PDE1C: variants seen among roughly 807,000 people sequenced by gnomAD.
PDE1C encodes the protein dual specificity calcium/calmodulin-dependent 3',5'-cyclic nucleotide phosphodiesterase 1C.
In PDE1C, 62 loss-of-function variants were observed where a neutral mutation model predicts 93.1. The observed-to-expected ratio is 0.67, with a 90% confidence interval of 0.54 to 0.82. The LOEUF is 0.82. Ranked by LOEUF, PDE1C falls within the 40% of genes least tolerant of loss-of-function variation. The pLI is 0.00. For synonymous variants in PDE1C, 325 were observed against 310.1 expected (o/e 1.05, Z -0.50); for missense variants, 742 against 884.6 (o/e 0.84, Z 2.04).
chr7:32,281,615 A>G (rs1229116195), intron 1 of PDE1C, among the ~76,000 whole-genome samples: 1 of 152,176 alleles, frequency 6.6e-6, no homozygotes, highest in Non-Finnish European at 1.5e-5. Flanking sequence ...AAATACCCCA[A>G]CAGAAAAACT....
chr7:32,398,367 C>T (rs1209234198), intron 1 of PDE1C, among the ~76,000 whole-genome samples: 1 of 151,362 alleles, frequency 6.6e-6, no homozygotes, highest in African/African-American at 2.4e-5. Context: ...GGATGATTTC[C>T]AAGATCACTT....
chr7:31,681,480 T>C, the PDE1C span, among the ~76,000 whole-genome samples: 1 of 152,178 alleles, frequency 6.6e-6, no homozygotes, highest in Admixed American at 6.5e-5. Context: ...CCATCTCTCC[T>C]TTCTTCAGCC....
chr7:31,849,502 T>C (rs932526150), intron 8 of PDE1C, among the ~76,000 whole-genome samples: 4 of 152,210 alleles, frequency 2.6e-5, no homozygotes, highest in African/African-American at 9.6e-5. Context: ...TTCTTTTGTC[T>C]GCTTCCATTC....
In PDE1C at chr7:31,836,929, C is replaced by G. The variant is rs964138192; in HGVS notation, c.1203+251G>C. On this transcript the variant is annotated intron_variant, in intron 11 of 17. Transcript: ENST00000396191. ...CCTCAAATGACATTTTGACAAAAGACTGCTACAAGGAAATACTTTTTTTCC... is the reference window on the plus strand; with the variant it reads ...CCTCAAATGACATTTTGACAAAAGAGTGCTACAAGGAAATACTTTTTTTCC... 5.8e-5 allele frequency among the ~76,000 whole-genome samples: 8 copies of G among 138,250 alleles called. No individual in the cohort carries two copies. The East Asian group carries it at 1.8e-3, about 30-fold the overall frequency. The allele number at this position is 138,250 out of a possible 152,430, so 90.7% of individuals were successfully genotyped here. A position where few individuals can be genotyped will look rare whatever the true frequency, so the allele number is the denominator to read the frequency against.
At chr7:31,708,950 C>T in the PDE1C span, among the ~76,000 whole-genome samples, 28 of 152,218 alleles carry the variant, frequency 1.8e-4, no homozygotes, top group African/African-American at 4.8e-4. Context: ...AAACTGTGGC[C>T]GGGTGCTGGT....
At chr7:31,637,563 T>C in the PDE1C span, among the ~76,000 whole-genome samples, 27,099 of 152,180 alleles carry the variant, frequency 0.18, 2,602 homozygotes, top group Non-Finnish European at 0.2. Context: ...TCATATCCTT[T>C]ACCCACTTTT....
chr7:32,085,146 C>A (rs375446124), intron 3 of PDE1C, among the ~76,000 whole-genome samples: 2 of 151,148 alleles, frequency 1.3e-5, no homozygotes, highest in African/African-American at 4.9e-5. Context: ...ATCAAATAGA[C>A]GCAATAAAAA....
chr7:31,625,337 G>T, the PDE1C span, among the ~76,000 whole-genome samples: 1 of 151,902 alleles, frequency 6.6e-6, no homozygotes, highest in Non-Finnish European at 1.5e-5. Context: ...GTTTATTGCG[G>T]CACTATTCAC....
At chr7:32,302,446 A>T (rs1812903524), upstream of PDE1C, among the ~76,000 whole-genome samples, 1 of 152,242 alleles carries the variant, frequency 6.6e-6, no homozygotes. Flanking sequence ...GCAAGGAAGT[A>T]GAGGAGGAGC....
At chr7:31,678,570 T>C in the PDE1C span, among the ~76,000 whole-genome samples, 1 of 152,110 alleles carries the variant, frequency 6.6e-6, no homozygotes, top group African/African-American at 2.4e-5. Flanking sequence ...CAGTGAGAAT[T>C]TATTAGGTGC....
chr7:32,130,265 CAG>C (rs1414571976), intron 3 of PDE1C, among the ~76,000 whole-genome samples: 1 of 152,144 alleles, frequency 6.6e-6, no homozygotes, highest in African/African-American at 2.4e-5. Context: ...AAAAATGCCA[CAG>C]AGTTTTTTCT....
the PDE1C span, chr7:31,642,953 C>T: frequency 3.7e-6 from 6 of 1,614,066 alleles, no homozygotes; most frequent in Non-Finnish European, 5.1e-6. Context: ...GCCAAGACCA[C>T]CACGAGGGGA....
chr7:32,267,334 G>T (rs1810654684), intron 1 of PDE1C, among the ~76,000 whole-genome samples: 1 of 152,166 alleles, frequency 6.6e-6, no homozygotes, highest in Admixed American at 6.5e-5. Context: ...GAGTTTGGGA[G>T]ATGTCTCCAG....
chr7:31,886,777 T>TTCAGAATAGATCTTTTCGGATCTAC (rs1562972129), intron 2 of PDE1C, among the ~76,000 whole-genome samples: 7 of 138,510 alleles, frequency 5.1e-5, no homozygotes, highest in African/African-American at 1.4e-4. Flanking sequence ...TTCAGATCTA[T>TTCAGAATAGATCTTTTCGGATCTAC]TCAGAATAGA....
At chr7:32,097,944 A>G (rs1386267386) in intron 3 of PDE1C, among the ~76,000 whole-genome samples, 2 of 151,724 alleles carry the variant, frequency 1.3e-5, no homozygotes, top group Non-Finnish European at 2.9e-5. Flanking sequence ...TAAAGACATA[A>G]ATCCGGCCGG....
chr7:32,101,691 C>A (rs955702283), intron 3 of PDE1C, among the ~76,000 whole-genome samples: 2 of 152,190 alleles, frequency 1.3e-5, no homozygotes, highest in East Asian at 1.9e-4. Context: ...TCTTAGCCTG[C>A]AGAACCGTGA....
chr7:31,622,112 T>G, the PDE1C span, among the ~76,000 whole-genome samples: 17,836 of 135,414 alleles, frequency 0.13, 1,371 homozygotes, highest in African/African-American at 0.2. Flanking sequence ...AAGCAAGTCC[T>G]GAGTGACCTA....
chr7:31,951,334 T>C (rs1807342941), intron 2 of PDE1C, among the ~76,000 whole-genome samples: 1 of 152,178 alleles, frequency 6.6e-6, no homozygotes. Flanking sequence ...ACCCAGAAAT[T>C]ATCTACAAAT....
At chr7:32,232,826 A>C (rs988988335) in intron 1 of PDE1C, among the ~76,000 whole-genome samples, 11 of 152,198 alleles carry the variant, frequency 7.2e-5, no homozygotes, top group African/African-American at 2.7e-4. Context: ...AGGGCTTTGA[A>C]AACAAATTTG....
Sources: allele counts gnomAD v4.1 joint callset (sites outside exome capture counted in the v4.1 genomes callset), GRCh38; gene constraint gnomAD v4.1.1; transcripts MANE v1.5; gene names NCBI Gene and HGNC (gene_info 2026-07-23, HGNC 2026-07-21).